COL4A5: variants seen among roughly 807,000 people sequenced by gnomAD.
COL4A5 encodes collagen alpha-5(IV) chain.
COL4A5 carries 26 observed loss-of-function variants against 130.2 expected under a neutral mutation model. The observed-to-expected ratio is 0.20, with a 90% CI of 0.15 to 0.28. The LOEUF is 0.28. Ranked by LOEUF, COL4A5 falls within the 10% of genes least tolerant of loss-of-function variation. The probability of loss-of-function intolerance (pLI) is 1.00; values close to 1 mark genes in which losing one functional copy is unlikely to be tolerated. For missense variants in COL4A5, 1,131 were observed against 1,344.3 expected (o/e 0.84, Z 2.48); for synonymous variants, 496 against 439.6 (o/e 1.13, Z -1.60).
At chrX:108,668,669 T>G (rs1489153843) in intron 41 of COL4A5, among the ~76,000 whole-genome samples, 165 bp downstream of exon 41, 1 of 112,525 alleles carries the variant, frequency 8.9e-6, no homozygotes, top group Non-Finnish European at 1.9e-5. Context: ...AGTAAATAGC[T>G]TGGTTCATAG....
intron 1 of COL4A5, among the ~76,000 whole-genome samples, chrX:108,450,023 C>A (rs941941783): frequency 9.0e-6 from 1 of 111,484 alleles, no homozygotes; most frequent in Non-Finnish European, 1.9e-5. Flanking sequence ...TAGTTGTATT[C>A]GTCATACTCT....
chrX:108,663,745 A>T (rs918483754), intron 37 of COL4A5, among the ~76,000 whole-genome samples: 8 of 89,151 alleles, frequency 9.0e-5, no homozygotes, highest in Non-Finnish European at 1.6e-4. Context: ...ACTTAAAATA[A>T]AAAAAAAAAA....
chrX:108,624,971 T>C (rs191343935), intron 34 of COL4A5, among the ~76,000 whole-genome samples: 4 of 112,044 alleles, frequency 3.6e-5, no homozygotes, highest in African/African-American at 1.3e-4. Flanking sequence ...TTATTTGCGC[T>C]AGACTCCATA....
At chrX:108,469,169 CTTT>C (rs529015725) in intron 1 of COL4A5, among the ~76,000 whole-genome samples, 2 of 77,664 alleles carry the variant, frequency 2.6e-5, no homozygotes, top group Non-Finnish European at 4.8e-5. Flanking sequence ...CTCTCTCTCT[CTTT>C]TTTTTTTTTT....
chrX:108,564,164 T>C (rs890379610), intron 4 of COL4A5, among the ~76,000 whole-genome samples: 6 of 111,485 alleles, frequency 5.4e-5, no homozygotes, highest in East Asian at 5.6e-4. Context: ...GATTTTAAAG[T>C]AGCTTATGGT....
At chrX:108,591,273 T>A in intron 20 of COL4A5, 42 bp downstream of exon 20, 1 of 1,123,198 alleles carries the variant, frequency 8.9e-7, no homozygotes, top group Non-Finnish European at 1.2e-6. Flanking sequence ...TTTTTGTTTT[T>A]GTTTATTTTG....
At chrX:108,634,874 T>C (rs2067325888) in intron 36 of COL4A5, among the ~76,000 whole-genome samples, 1 of 110,911 alleles carries the variant, frequency 9.0e-6, no homozygotes, top group Admixed American at 9.7e-5. Context: ...AGTTCCACAC[T>C]ACCACGTGAA....
chrX:108,453,435 AT>A (rs201097112), intron 1 of COL4A5, among the ~76,000 whole-genome samples: 1 of 110,040 alleles, frequency 9.1e-6, no homozygotes, highest in African/African-American at 3.3e-5. Context: ...TCTTCCCACT[AT>A]TTTTTTTTGT....
At chrX:108,571,080 T>C (rs1004665086) in intron 6 of COL4A5, among the ~76,000 whole-genome samples, 1 of 111,844 alleles carries the variant, frequency 8.9e-6, no homozygotes, top group African/African-American at 3.2e-5. Flanking sequence ...ATATAACACA[T>C]GGGCAGGAAA....
intron 1 of COL4A5, among the ~76,000 whole-genome samples, chrX:108,500,278 G>A (rs2065068529): frequency 8.9e-6 from 1 of 112,223 alleles, no homozygotes; most frequent in South Asian, 3.7e-4. Context: ...AATGATGTCG[G>A]AGGAGGTGCA....
intron 1 of COL4A5, among the ~76,000 whole-genome samples, chrX:108,469,273 G>C (rs759110927): frequency 9.7e-6 from 1 of 103,575 alleles, no homozygotes; most frequent in South Asian, 4.7e-4. Flanking sequence ...CGAGTAGCTG[G>C]GACTACAGGC....
chrX:108,613,484 G>C (rs936572836), intron 29 of COL4A5, among the ~76,000 whole-genome samples: 1 of 111,565 alleles, frequency 9.0e-6, no homozygotes, highest in Non-Finnish European at 1.9e-5. Context: ...TGGATATATT[G>C]GACTTTATTA....
At chrX:108,663,422 G>A (rs766793070) in intron 37 of COL4A5, among the ~76,000 whole-genome samples, 6 of 111,752 alleles carry the variant, frequency 5.4e-5, no homozygotes, top group Admixed American at 1.9e-4. Flanking sequence ...CATACTTATG[G>A]AATGGAAGAT....
chrX:108,591,221 C>T lies in COL4A5; in HGVS notation c.1329C>T (p.His443=), dbSNP rs1316287075. 11 of 1,206,986 alleles carry T rather than the reference C, an allele frequency of 9.1e-6. No homozygotes were observed. Among genetic ancestry groups the T allele is most frequent in the Non-Finnish European group, 1.2e-5 (11 of 893,674 alleles). The part of the protein sequence containing the change: ...LPGPPGPAGP[H]IPPSDEICEP... ...GGCCTCCTGGCCCTGCTGGCCCTCACATTCCTCCTAGTAAGCTATATTTTT... is the reference window on the plus strand; with the variant it reads ...GGCCTCCTGGCCCTGCTGGCCCTCATATTCCTCCTAGTAAGCTATATTTTT... Residue 443 remains histidine, a synonymous_variant, in exon 20 of 53, where the codon CAC becomes CAT. Coordinates refer to ENST00000328300, the MANE Select transcript of COL4A5 (RefSeq NM_033380.3).
chrX:108,526,778 CT>C (rs1255643156), intron 1 of COL4A5, among the ~76,000 whole-genome samples: 7 of 89,527 alleles, frequency 7.8e-5, no homozygotes, highest in Middle Eastern at 5.3e-3. Flanking sequence ...TTCCTTTCTT[CT>C]TTTTTTTTGA....
At chrX:108,687,331 C>T (rs2068564881) in intron 48 of COL4A5, 151 bp from the exon 49 acceptor site, 3 of 513,149 alleles carry the variant, frequency 5.8e-6, no homozygotes, top group South Asian at 5.9e-5. Context: ...TATTTGTCTC[C>T]TAGCCCATGA....
chrX:108,674,079 G>A (rs1314647728), intron 42 of COL4A5, among the ~76,000 whole-genome samples: 1 of 109,794 alleles, frequency 9.1e-6, no homozygotes, highest in African/African-American at 3.3e-5. Flanking sequence ...AATAGTAATA[G>A]GAAAGCCTCC....
chrX:108,516,680 T>C (rs895110101), intron 1 of COL4A5, among the ~76,000 whole-genome samples: 17 of 112,030 alleles, frequency 1.5e-4, no homozygotes, highest in African/African-American at 4.5e-4. Context: ...TATCTGGAAG[T>C]AAATCATTCT....
rs187572381 is a variant in COL4A5, at chrX:108,606,876, G to A, written c.2379G>A (p.Gly793=). Residue 793 remains glycine, a synonymous_variant, in exon 29 of 53, where the codon GGG becomes GGA. Transcript: ENST00000328300. ...PGPPGRTGLD[G]LPGPKGDVGP... is the part of the protein sequence containing the mutation. ...CTCCAGGACGCACTGGCTTAGATGGGCTCCCTGGACCAAAAGGTATGGAGG... is the reference window on the plus strand; with the variant it reads ...CTCCAGGACGCACTGGCTTAGATGGACTCCCTGGACCAAAAGGTATGGAGG... The A allele has an allele frequency of 1.7e-6, 2 of 1,209,521 alleles. No homozygotes were observed. Among genetic ancestry groups the A allele is most frequent in the East Asian group, 5.9e-5 (2 of 33,725 alleles).
Sources: allele counts gnomAD v4.1 joint callset (sites outside exome capture counted in the v4.1 genomes callset), GRCh38; gene constraint gnomAD v4.1.1; transcripts MANE v1.5; gene names NCBI Gene and HGNC (gene_info 2026-07-23, HGNC 2026-07-21).